TLE1: variants seen among roughly 807,000 people sequenced by gnomAD.
The protein encoded by TLE1 is TLE family member 1, transcriptional corepressor, also known as transducin-like enhancer protein 1.
In TLE1, 21 loss-of-function variants were observed where a neutral mutation model predicts 89.8. That is an observed-to-expected ratio of 0.23 (90% CI 0.17 to 0.34). The LOEUF (loss-of-function observed/expected upper bound fraction) is 0.34, where lower values mean the gene tolerates loss of function less well. Among genes scored for constraint, TLE1 ranks in the 10% least tolerant of loss-of-function variants. The pLI, the probability that TLE1 is intolerant of heterozygous loss-of-function variation, is 1.00. For synonymous variants in TLE1, 447 were observed against 407.6 expected (o/e 1.10, Z -1.16); for missense variants, 795 against 1,031.2 (o/e 0.77, Z 3.14).
intron 9 of TLE1, 64 bp from the exon 10 acceptor site, chr9:81,616,763 A>G: frequency 6.3e-7 from 1 of 1,582,034 alleles, no homozygotes; most frequent in Non-Finnish European, 8.7e-7. Flanking sequence ...GCACAGTTAG[A>G]TTTCTTTCTA....
chr9:81,679,207 T>C (rs1005469156), intron 4 of TLE1, among the ~76,000 whole-genome samples: 1 of 152,180 alleles, frequency 6.6e-6, no homozygotes, highest in African/African-American at 2.4e-5. Flanking sequence ...CACAGGTTAT[T>C]TGATAAAATC....
intron 8 of TLE1, among the ~76,000 whole-genome samples, chr9:81,623,067 T>A (rs1012793200): frequency 5.9e-4 from 90 of 152,332 alleles, no homozygotes; most frequent in African/African-American, 2.0e-3. Context: ...AGTTCCAGCC[T>A]AATGAGCTTC....
chr9:81,657,738 A>G (rs888065815), intron 4 of TLE1, among the ~76,000 whole-genome samples: 1 of 152,122 alleles, frequency 6.6e-6, no homozygotes, highest in African/African-American at 2.4e-5. Flanking sequence ...TCCTTTATAT[A>G]AAATGGTGTA....
intron 9 of TLE1, 25 bp from the exon 10 acceptor site, chr9:81,616,724 A>G (rs760491481): frequency 1.2e-6 from 2 of 1,613,594 alleles, no homozygotes; most frequent in East Asian, 4.5e-5. Context: ...CATTAACGCC[A>G]TTTACTAAAA....
At chr9:81,657,104 T>A (rs962400458) in intron 4 of TLE1, among the ~76,000 whole-genome samples, 4 of 152,220 alleles carry the variant, frequency 2.6e-5, no homozygotes, top group African/African-American at 9.6e-5. Context: ...TAGTTAAACA[T>A]CTTTTCATGT....
intron 4 of TLE1, among the ~76,000 whole-genome samples, chr9:81,675,560 A>G (rs547641344): frequency 1.3e-5 from 2 of 152,238 alleles, no homozygotes; most frequent in East Asian, 1.9e-4. Context: ...TACTACAATA[A>G]AACTCCTCAC....
intron 6 of TLE1, among the ~76,000 whole-genome samples, chr9:81,638,092 T>C (rs1443173056): frequency 6.6e-6 from 1 of 152,200 alleles, no homozygotes; most frequent in Non-Finnish European, 1.5e-5. Context: ...CCAGATGCTC[T>C]TGAGAACACC....
chr9:81,618,477 T>C (rs1172865708), intron 9 of TLE1, among the ~76,000 whole-genome samples: 2 of 152,190 alleles, frequency 1.3e-5, no homozygotes, highest in African/African-American at 2.4e-5. Context: ...ACAAGATATA[T>C]TTTAGCCATG....
At chr9:81,602,639 G>C (rs763278604) in intron 14 of TLE1, among the ~76,000 whole-genome samples, 2 of 152,104 alleles carry the variant, frequency 1.3e-5, no homozygotes, top group Non-Finnish European at 2.9e-5. Flanking sequence ...TTTGGATTTT[G>C]AATTTTCGAA....
intron 6 of TLE1, among the ~76,000 whole-genome samples, chr9:81,646,007 A>G (rs956469028): frequency 3.3e-5 from 5 of 152,200 alleles, no homozygotes; most frequent in African/African-American, 1.2e-4. Context: ...ATTCCAGGGA[A>G]TCAAGTAAAA....
intron 14 of TLE1, among the ~76,000 whole-genome samples, chr9:81,593,953 C>G (rs901870757): frequency 7.2e-5 from 11 of 152,180 alleles, no homozygotes; most frequent in Admixed American, 7.2e-4. Flanking sequence ...CTTCCCCGGT[C>G]TCCTTTAGCC....
chr9:81,595,814 CAAAAAAAAA>C (rs11301991), intron 14 of TLE1, among the ~76,000 whole-genome samples: 1 of 106,662 alleles, frequency 9.4e-6, no homozygotes, highest in Non-Finnish European at 1.9e-5. Context: ...GACTCTGTCT[CAAAAAAAAA>C]AAAAAAAAAA....
intron 8 of TLE1, among the ~76,000 whole-genome samples, chr9:81,631,048 AATG>A (rs1826527135): frequency 6.6e-6 from 1 of 152,220 alleles, no homozygotes; most frequent in Admixed American, 6.5e-5. Flanking sequence ...TATTCATTGA[AATG>A]ATTAGAACTT....
At position 81,687,403 on chromosome 9, in the gene TLE1, T is replaced by C. The variant is rs749952983; in HGVS notation, c.56A>G (p.Lys19Arg). Reference sequence around the variant, plus strand: ...GTCCAGGGACTCCGGGATAGTGAACTTGAAGGGCTGGCCTGCAGCCTGGTG... The same window carrying C: ...GTCCAGGGACTCCGGGATAGTGAACCTGAAGGGCTGGCCTGCAGCCTGGTG... ...TPHQAAGQPF[K>R]FTIPESLDRI... The change falls in exon 2 of 20, where the codon AAG (lysine) becomes AGG (arginine). Residue 19 changes from lysine to arginine, a missense_variant. This residue lies in a region of TLE1 where 47 missense variants were observed against 48.5 expected (regional missense o/e 0.97). Transcript: ENST00000376499. The C allele has an allele frequency of 2.5e-6, 4 of 1,611,222 alleles. No homozygotes were observed. Among genetic ancestry groups the C allele is most frequent in the Admixed American group, 1.7e-5 (1 of 59,726 alleles).
chr9:81,646,460 C>T lies in TLE1; in HGVS notation c.372+5754G>A, dbSNP rs7853935. The stretch of plus-strand genomic sequence containing the variant: ...TTGTTGTAGCTATTTAGTCTTCTCT[C>T]GGTAGCAGGATATGCATTATTCTCC... On this transcript the variant is annotated intron_variant, in intron 6 of 19. Transcript: ENST00000376499. Among the ~76,000 whole-genome samples, 685 of 152,162 alleles carry T rather than the reference C, an allele frequency of 4.5e-3. 6 individuals carry two copies. Among genetic ancestry groups the T allele is most frequent in the East Asian group, 0.042 (215 of 5,178 alleles).
chr9:81,684,954 C>CT (rs918309690), intron 4 of TLE1, among the ~76,000 whole-genome samples: 9 of 152,268 alleles, frequency 5.9e-5, no homozygotes, highest in Admixed American at 3.3e-4. Flanking sequence ...GCTCAATACT[C>CT]TTTTTATACA....
chr9:81,584,189 A>T lies in TLE1; in HGVS notation c.*9T>A, dbSNP rs760247851. 6.2e-7 allele frequency: 1 copy of T among 1,608,796 alleles called. No individual in the cohort carries two copies. The highest frequency in any genetic ancestry group is 1.1e-5 in the South Asian group (1 of 90,916). Reference sequence around the variant, plus strand: ...AATTCAACTATAAACGTTAAACCACATAATGTTTTCAGTAGATGACTTCAT... The same window carrying T: ...AATTCAACTATAAACGTTAAACCACTTAATGTTTTCAGTAGATGACTTCAT... On this transcript the variant is annotated 3_prime_UTR_variant, in exon 20 of 20. Coordinates refer to ENST00000376499, the MANE Select transcript of TLE1 (RefSeq NM_005077.5).
intron 1 of TLE1, among the ~76,000 whole-genome samples, chr9:81,687,880 G>A (rs1415953198): frequency 3.3e-5 from 5 of 152,018 alleles, no homozygotes; most frequent in Non-Finnish European, 1.5e-5. Context: ...GCATTGACAT[G>A]TAAATAGGCG....
intron 4 of TLE1, among the ~76,000 whole-genome samples, chr9:81,680,269 A>T (rs1307970186): frequency 6.6e-6 from 1 of 152,170 alleles, no homozygotes; most frequent in Non-Finnish European, 1.5e-5. Flanking sequence ...AACGGAACCA[A>T]GTCAGAGCCT....
Sources: gnomAD v4.1 joint callset for allele counts (sites outside exome capture counted in the v4.1 genomes callset) on GRCh38, gnomAD v4.1.1 for gene constraint, gnomAD v4.1.1 regional missense constraint, MANE v1.5 for transcripts, NCBI Gene and HGNC (gene_info 2026-07-23, HGNC 2026-07-21) for gene names.